COL21A1: variants seen among roughly 807,000 people sequenced by gnomAD.
The protein encoded by COL21A1 is collagen type XXI alpha 1 chain, also known as collagen alpha-1(XXI) chain.
Under a neutral mutation model 137.9 loss-of-function variants are expected in COL21A1, and 149 were observed. The ratio of observed to expected loss-of-function variants is 1.08; its 90% CI spans 0.95 to 1.24. The LOEUF (loss-of-function observed/expected upper bound fraction) is 1.24, where lower values mean the gene tolerates loss of function less well. Among genes scored for constraint, COL21A1 ranks in the 50% most tolerant of loss-of-function variants. COL21A1 has a pLI of 0.00. For missense variants in COL21A1, 1,167 were observed against 1,158.4 expected (o/e 1.01, Z -0.11); for synonymous variants, 456 against 391.5 (o/e 1.16, Z -1.95).
intron 1 of COL21A1, among the ~76,000 whole-genome samples, chr6:56,271,516 A>G (rs950573541): frequency 6.6e-6 from 1 of 152,260 alleles, no homozygotes; most frequent in Non-Finnish European, 1.5e-5. Flanking sequence ...GAAAATTTGC[A>G]GCCCGACTAT....
At chr6:56,323,564 ATTT>A (rs1764926858) in intron 1 of COL21A1, among the ~76,000 whole-genome samples, 1 of 151,918 alleles carries the variant, frequency 6.6e-6, no homozygotes, top group Non-Finnish European at 1.5e-5. Context: ...TAATTTTTGT[ATTT>A]TTAGTAGAGA....
At chr6:56,132,849 C>A (rs1312877192) in intron 12 of COL21A1, among the ~76,000 whole-genome samples, 1 of 152,136 alleles carries the variant, frequency 6.6e-6, no homozygotes, top group East Asian at 1.9e-4. Context: ...TTTCCCTCCA[C>A]AAGCTGGCTG....
chr6:56,330,165 A>G (rs1765185023), intron 1 of COL21A1, among the ~76,000 whole-genome samples: 1 of 152,092 alleles, frequency 6.6e-6, no homozygotes, highest in Non-Finnish European at 1.5e-5. Flanking sequence ...CATGTTTAAG[A>G]AAATATAATT....
intron 1 of COL21A1, among the ~76,000 whole-genome samples, chr6:56,362,741 C>T (rs188266931): frequency 2.0e-4 from 31 of 152,276 alleles, no homozygotes; most frequent in Middle Eastern, 3.4e-3. Flanking sequence ...GCCCTCCCCA[C>T]TCCCACCACC....
chr6:56,062,878 A>C (rs1427480820), intron 24 of COL21A1, among the ~76,000 whole-genome samples: 2 of 152,180 alleles, frequency 1.3e-5, no homozygotes, highest in African/African-American at 4.8e-5. Flanking sequence ...ATTGAATTAG[A>C]GCTAAAACTA....
intron 1 of COL21A1, among the ~76,000 whole-genome samples, chr6:56,220,638 C>T (rs1041806292): frequency 5.3e-5 from 8 of 151,876 alleles, no homozygotes; most frequent in Non-Finnish European, 1.0e-4. Context: ...TGAACTTATC[C>T]GAGAAGAGGA....
chr6:56,207,902 T>A (rs1779895601), intron 1 of COL21A1, among the ~76,000 whole-genome samples: 1 of 152,038 alleles, frequency 6.6e-6, no homozygotes, highest in Admixed American at 6.6e-5. Flanking sequence ...ATAAACATAA[T>A]CCATCACGTA....
intron 3 of COL21A1, among the ~76,000 whole-genome samples, chr6:56,177,627 T>A (rs2152278710): frequency 6.6e-6 from 1 of 152,030 alleles, no homozygotes; most frequent in South Asian, 2.1e-4. Flanking sequence ...ACCCGTTCTC[T>A]ACTAAAAAAT....
intron 10 of COL21A1, among the ~76,000 whole-genome samples, chr6:56,153,272 G>A (rs927776349): frequency 6.6e-6 from 1 of 151,990 alleles, no homozygotes; most frequent in African/African-American, 2.4e-5. Context: ...AGCTATTTCA[G>A]TGCTATCAGC....
intron 1 of COL21A1, among the ~76,000 whole-genome samples, chr6:56,196,171 A>AT (rs1171920132): frequency 6.6e-6 from 1 of 152,134 alleles, no homozygotes; most frequent in African/African-American, 2.4e-5. Flanking sequence ...ATTCTCCATC[A>AT]TTTCATAATT....
chr6:56,181,358 C>T (rs1356373056), intron 2 of COL21A1, among the ~76,000 whole-genome samples: 1 of 151,804 alleles, frequency 6.6e-6, no homozygotes, highest in Non-Finnish European at 1.5e-5. Context: ...GCTGGATGGA[C>T]TAGGATTAAA....
At chr6:56,132,404 A>C (rs1773627463) in intron 12 of COL21A1, among the ~76,000 whole-genome samples, 1 of 152,124 alleles carries the variant, frequency 6.6e-6, no homozygotes, top group Non-Finnish European at 1.5e-5. Flanking sequence ...GTAGCCAGGA[A>C]ATTTTGATTA....
intron 17 of COL21A1, among the ~76,000 whole-genome samples, chr6:56,079,707 G>C (rs773079238): frequency 2.0e-5 from 3 of 151,490 alleles, no homozygotes; most frequent in Non-Finnish European, 4.4e-5. Flanking sequence ...GGAGATTCCA[G>C]ACTATAAAAA....
chr6:56,098,350 T>G (rs1205680791), intron 17 of COL21A1, among the ~76,000 whole-genome samples: 1 of 55,760 alleles, frequency 1.8e-5, no homozygotes, highest in African/African-American at 9.0e-5. Flanking sequence ...TGTAAATATA[T>G]AAATATATAT....
chr6:56,235,040 G>A (rs1238047251), intron 1 of COL21A1, among the ~76,000 whole-genome samples: 1 of 151,754 alleles, frequency 6.6e-6, no homozygotes, highest in East Asian at 1.9e-4. Flanking sequence ...GTTATATTGA[G>A]TCCCTTAAAT....
At chr6:56,226,762 C>A (rs780971560) in intron 1 of COL21A1, among the ~76,000 whole-genome samples, 1 of 151,942 alleles carries the variant, frequency 6.6e-6, no homozygotes, top group African/African-American at 2.4e-5. Context: ...TTCCTCACTT[C>A]CATAAAAAAC....
intron 17 of COL21A1, among the ~76,000 whole-genome samples, chr6:56,087,178 GAC>G (rs1401276852): frequency 6.6e-6 from 1 of 152,102 alleles, no homozygotes; most frequent in Non-Finnish European, 1.5e-5. Flanking sequence ...ACAACATTTA[GAC>G]ACAGTTTTCT....
In COL21A1 at chr6:56,170,881, C is replaced by CTT. The variant is rs1478159001; in HGVS notation, c.810-17_810-16insAA. 5.0e-6 allele frequency: 8 copies of CTT among 1,603,542 alleles called. No homozygotes were observed. ...GAAAACATTGCTAGAAAAAGAAGAG[C>CTT]AAGTGTAAGCTTAAAGAATTCTTGA... On this transcript the variant is annotated splice_polypyrimidine_tract_variant and intron_variant, in intron 4 of 29. Transcript: ENST00000244728.
chr6:56,098,776 C>T (rs150259134), intron 17 of COL21A1, among the ~76,000 whole-genome samples: 3 of 132,888 alleles, frequency 2.3e-5, no homozygotes, highest in Non-Finnish European at 4.6e-5. Context: ...AGTGCAGTAG[C>T]GCGATCTTGG....
Sources: allele counts gnomAD v4.1 joint callset (sites outside exome capture counted in the v4.1 genomes callset), GRCh38; gene constraint gnomAD v4.1.1; transcripts MANE v1.5; gene names NCBI Gene and HGNC (gene_info 2026-07-23, HGNC 2026-07-21).